Variants in GPR89A observed in about 807,000 individuals in gnomAD.
GPR89A encodes G protein-coupled receptor 89A.
A neutral mutation model predicts 52.0 loss-of-function variants in GPR89A; 16 were observed. The ratio of observed to expected loss-of-function variants is 0.31; its 90% CI spans 0.21 to 0.47. The LOEUF (loss-of-function observed/expected upper bound fraction) is 0.47, where lower values mean the gene tolerates loss of function less well. Among genes scored for constraint, GPR89A ranks in the 20% least tolerant of loss-of-function variants. The pLI is 1.00. For synonymous variants in GPR89A, 55 were observed against 150.9 expected, an observed-to-expected ratio of 0.36 and a Z score of 4.66; for missense variants, 135 against 449.4, an observed-to-expected ratio of 0.30 and a Z score of 6.33.
intron 10 of GPR89A, among the ~76,000 whole-genome samples, chr1:145,659,078 C>T (rs1268890418): frequency 2.0e-5 from 3 of 151,860 alleles, no homozygotes; most frequent in Non-Finnish European, 4.4e-5. Flanking sequence ...TGCCCAGCCT[C>T]GTGTATAAGT....
chr1:145,617,376 T>C (rs1648785761), intron 2 of GPR89A, among the ~76,000 whole-genome samples: 1 of 152,154 alleles, frequency 6.6e-6, no homozygotes, highest in Non-Finnish European at 1.5e-5. Context: ...GGTGCACTAA[T>C]TTCATATTGT....
intron 10 of GPR89A, among the ~76,000 whole-genome samples, chr1:145,652,790 A>G (rs1651542230): frequency 6.9e-6 from 1 of 144,538 alleles, no homozygotes; most frequent in Admixed American, 6.8e-5. Flanking sequence ...AGATGTTTAT[A>G]GTATTCTCTG....
chr1:145,668,872 T>C (rs1349873143), intron 12 of GPR89A, among the ~76,000 whole-genome samples: 2 of 152,192 alleles, frequency 1.3e-5, no homozygotes, highest in Admixed American at 6.5e-5. Flanking sequence ...TGGATTATGT[T>C]TATTGATTTG....
At chr1:145,636,700 G>A (rs1428367056) in intron 7 of GPR89A, among the ~76,000 whole-genome samples, 7 of 152,018 alleles carry the variant, frequency 4.6e-5, no homozygotes, top group Non-Finnish European at 8.8e-5. Context: ...AAGAATTTAA[G>A]CAATTCTTTC....
At chr1:145,668,331 A>C (rs1285445227) in intron 12 of GPR89A, among the ~76,000 whole-genome samples, 3 of 152,110 alleles carry the variant, frequency 2.0e-5, no homozygotes, top group South Asian at 2.1e-4. Context: ...CTCTTTGAAG[A>C]AATTGTGAAT....
chr1:145,669,563 T>C (rs1254332792), intron 12 of GPR89A, 62 bp from the exon 13 acceptor site: 23 of 1,576,842 alleles, frequency 1.5e-5, no homozygotes, highest in East Asian at 2.2e-5. Context: ...CCATATTTCT[T>C]ACTGTTCGTG....
chr1:145,646,644 C>G (rs1553692600), intron 9 of GPR89A: 1 of 253,228 alleles, frequency 3.9e-6, no homozygotes, highest in Non-Finnish European at 7.5e-6. Flanking sequence ...TGGCCTAGCC[C>G]TATTTTAAAG....
chr1:145,617,826 C>T (rs1648831138), intron 2 of GPR89A, among the ~76,000 whole-genome samples: 1 of 152,156 alleles, frequency 6.6e-6, no homozygotes. Context: ...TGGTTATAGT[C>T]TACATTTGGG....
intron 9 of GPR89A, 188 bp downstream of exon 9, chr1:145,646,460 T>C: frequency 1.9e-6 from 1 of 531,696 alleles, no homozygotes; most frequent in Non-Finnish European, 3.3e-6. Flanking sequence ...AGCAAAATCC[T>C]TAATGGAACA....
chr1:145,614,142 C>A (rs1162568554), intron 1 of GPR89A, among the ~76,000 whole-genome samples: 1 of 152,066 alleles, frequency 6.6e-6, no homozygotes, highest in Non-Finnish European at 1.5e-5. Flanking sequence ...AAACCTTTGA[C>A]TGTGTGATGA....
chr1:145,626,437 G>A (rs1316844148), intron 5 of GPR89A, among the ~76,000 whole-genome samples: 1 of 152,068 alleles, frequency 6.6e-6, no homozygotes, highest in Admixed American at 6.5e-5. Flanking sequence ...AGAAAGCTAG[G>A]GAGATAGTTT....
Position 145,623,045 on chromosome 1 carries a change from T to G in GPR89A, c.207-9T>G. 1 of 1,605,744 alleles carries G rather than the reference T, an allele frequency of 6.2e-7. No homozygotes were observed. Among genetic ancestry groups the G allele is most frequent in the Non-Finnish European group, 8.5e-7 (1 of 1,175,204 alleles). On this transcript the variant is annotated splice_polypyrimidine_tract_variant and intron_variant, in intron 3 of 13. Coordinates refer to ENST00000313835, the MANE Select transcript of GPR89A (RefSeq NM_001097612.2). ...TCCTCCCAGTGACAGTCTTTGACAT[T>G]TATTTCAGCTCCCGTTATTTTCACT...
At chr1:145,619,464 T>G (rs1444251084) in intron 3 of GPR89A, among the ~76,000 whole-genome samples, 3 of 151,606 alleles carry the variant, frequency 2.0e-5, no homozygotes, top group Admixed American at 2.0e-4. Flanking sequence ...TAAAAAAAAT[T>G]AGCAGAGTGT....
In GPR89A at chr1:145,621,152, A is replaced by G. The variant is rs1649111990; in HGVS notation, c.207-1902A>G. Reference sequence around the variant, plus strand: ...GCCTGCCATCTGTACTAAGGAAGGAACAATAAGAAACAGCCCTCTGAAACA... The same window carrying G: ...GCCTGCCATCTGTACTAAGGAAGGAGCAATAAGAAACAGCCCTCTGAAACA... On this transcript the variant is annotated intron_variant, in intron 3 of 13. Transcript: ENST00000313835. 1.3e-5 allele frequency among the ~76,000 whole-genome samples: 2 copies of G among 151,452 alleles called. 1 individual carries two copies. Among genetic ancestry groups the G allele is most frequent in the South Asian group, 4.2e-4 (2 of 4,762 alleles).
chr1:145,626,318 G>C (rs1224617029), intron 5 of GPR89A, among the ~76,000 whole-genome samples: 2 of 151,978 alleles, frequency 1.3e-5, no homozygotes, highest in Non-Finnish European at 2.9e-5. Flanking sequence ...CACATGACCA[G>C]TGCAGCCAGG....
At chr1:145,658,711 T>C (rs1651984846) in intron 10 of GPR89A, among the ~76,000 whole-genome samples, 1 of 151,440 alleles carries the variant, frequency 6.6e-6, no homozygotes, top group Non-Finnish European at 1.5e-5. Context: ...TATTAGTTGA[T>C]GTACATTAGG....
intron 1 of GPR89A, 153 bp downstream of exon 1, chr1:145,608,328 G>A: frequency 5.7e-6 from 7 of 1,217,818 alleles, no homozygotes; most frequent in Non-Finnish European, 8.1e-6. Flanking sequence ...TGTGCGATTT[G>A]CTGCGGCCGG....
intron 8 of GPR89A, chr1:145,645,190 C>T (rs1553692332): frequency 1.6e-5 from 3 of 183,756 alleles, no homozygotes; most frequent in African/African-American, 4.8e-5. Context: ...AGGAGCTTAC[C>T]CTCTAATCAT....
chr1:145,666,669 C>T (rs1278233243), intron 12 of GPR89A, among the ~76,000 whole-genome samples: 1 of 151,370 alleles, frequency 6.6e-6, no homozygotes, highest in African/African-American at 2.4e-5. Context: ...TTGTCATTTA[C>T]ATTAGGTATA....
Sources: allele counts gnomAD v4.1 joint callset (sites outside exome capture counted in the v4.1 genomes callset), GRCh38; gene constraint gnomAD v4.1.1; transcripts MANE v1.5; gene names NCBI Gene and HGNC (gene_info 2026-07-23, HGNC 2026-07-21).